The following TSC22D3 variants were observed in gnomAD, a reference collection of about 807,000 sequenced individuals.
TSC22D3 encodes the protein TSC22 domain family protein 3.
TSC22D3 carries 4 observed loss-of-function variants against 11.1 expected under a neutral mutation model. The observed-to-expected ratio is 0.36, with a 90% CI of 0.18 to 0.83. The LOEUF is 0.83. Among genes scored for constraint, TSC22D3 ranks in the 40% least tolerant of loss-of-function variants. The pLI, the probability that TSC22D3 is intolerant of heterozygous loss-of-function variation, is 0.48. For missense variants in TSC22D3, 118 were observed against 159.4 expected, an observed-to-expected ratio of 0.74 and a Z score of 1.40; for synonymous variants, 77 against 70.3, an observed-to-expected ratio of 1.10 and a Z score of -0.48.
chrX:107,730,369 G>A, intron 1 of TSC22D3, among the ~76,000 whole-genome samples: 1 of 112,145 alleles, frequency 8.9e-6, no homozygotes. Context: ...CTGCACTAGT[G>A]TTCCTTCCCA....
intron 1 of TSC22D3, among the ~76,000 whole-genome samples, chrX:107,717,639 T>G (rs2147718461): frequency 8.9e-6 from 1 of 112,832 alleles, no homozygotes; most frequent in African/African-American, 3.2e-5. Context: ...GGAGTACTTG[T>G]CTGTGGACCG....
intron 1 of TSC22D3, among the ~76,000 whole-genome samples, chrX:107,759,282 C>CA (rs1417122125): frequency 9.0e-6 from 1 of 111,132 alleles, no homozygotes; most frequent in Non-Finnish European, 1.9e-5. Flanking sequence ...CTTATGTGAA[C>CA]TCCCTCTCCC....
At chrX:107,754,011 G>C (rs1929057455) in intron 1 of TSC22D3, among the ~76,000 whole-genome samples, 1 of 109,629 alleles carries the variant, frequency 9.1e-6, no homozygotes, top group African/African-American at 3.3e-5. Flanking sequence ...CGCCTCCCAG[G>C]TTCAAGTGAT....
At chrX:107,738,515 C>T (rs1342552436) in intron 1 of TSC22D3, among the ~76,000 whole-genome samples, 4 of 112,882 alleles carry the variant, frequency 3.5e-5, no homozygotes, top group Non-Finnish European at 7.5e-5. Context: ...CTGCCGCTCC[C>T]TCTCCTCTCT....
chrX:107,734,880 A>AC (rs1928058674), intron 1 of TSC22D3, among the ~76,000 whole-genome samples: 1 of 44,792 alleles, frequency 2.2e-5, no homozygotes, highest in African/African-American at 6.1e-5. Context: ...ACTCTACGTA[A>AC]AAAAAAAAAA....
rs781484751 is a variant in TSC22D3, at chrX:107,732,236, A to C, written c.321-16286T>G. On this transcript the variant is annotated intron_variant, in intron 1 of 2. Coordinates refer to ENST00000372383, the MANE Select transcript of TSC22D3 (RefSeq NM_198057.3). Reference sequence around the variant, plus strand: ...CCTCCCCTCCCTCTGCCAAGGCTACATGGAAGCCCTCCCCCAAACTCCCTC... The same window carrying C: ...CCTCCCCTCCCTCTGCCAAGGCTACCTGGAAGCCCTCCCCCAAACTCCCTC... Among the ~76,000 whole-genome samples, 5 of 104,571 alleles carry C rather than the reference A, an allele frequency of 4.8e-5. No individual in the cohort carries two copies. In the South Asian group the frequency reaches 2.2e-3, roughly 46 times the overall value. 90.8% of individuals were successfully genotyped at this position (104,571 alleles called of 115,157 possible).
chrX:107,737,334 C>T (rs1454248997), intron 1 of TSC22D3, among the ~76,000 whole-genome samples: 1 of 112,195 alleles, frequency 8.9e-6, no homozygotes, highest in Non-Finnish European at 1.9e-5. Context: ...ACTCAAAACT[C>T]CAGTAGAGAT....
chrX:107,762,864 T>TTTTTTTTC, intron 1 of TSC22D3, among the ~76,000 whole-genome samples: 1 of 94,425 alleles, frequency 1.1e-5, no homozygotes, highest in Non-Finnish European at 2.1e-5. Context: ...TTTTTTTTTT[T>TTTTTTTTC]TTTTTTTCTG....
At chrX:107,761,729 G>GA (rs1356813268) in intron 1 of TSC22D3, among the ~76,000 whole-genome samples, 1 of 111,883 alleles carries the variant, frequency 8.9e-6, no homozygotes, top group African/African-American at 3.3e-5. Context: ...AAGCCTGCCT[G>GA]ATCTTGGCAG....
At chrX:107,715,766 G>T in intron 2 of TSC22D3, 133 bp downstream of exon 2, 1 of 753,111 alleles carries the variant, frequency 1.3e-6, no homozygotes, top group South Asian at 2.1e-5. Flanking sequence ...CCTCCAGTGC[G>T]GATAGGAGGC....
At chrX:107,736,944 G>C (rs138101085) in intron 1 of TSC22D3, among the ~76,000 whole-genome samples, 1,836 of 112,213 alleles carry the variant, frequency 0.016, 35 homozygotes, top group African/African-American at 0.056. Flanking sequence ...ATGGCCTAGA[G>C]AGTGGCGTCA....
At chrX:107,736,696 T>A (rs1207669869) in intron 1 of TSC22D3, among the ~76,000 whole-genome samples, 1 of 110,925 alleles carries the variant, frequency 9.0e-6, no homozygotes, top group African/African-American at 3.3e-5. Flanking sequence ...GCTCGATTTT[T>A]ATGGCCGTTC....
chrX:107,733,092 C>T (rs1438377475), intron 1 of TSC22D3, among the ~76,000 whole-genome samples: 2 of 94,069 alleles, frequency 2.1e-5, no homozygotes, highest in African/African-American at 9.7e-5. Flanking sequence ...AGAGTGAGAC[C>T]CTGTCTCAAA....
intron 1 of TSC22D3, among the ~76,000 whole-genome samples, chrX:107,751,266 C>G (rs749514458): frequency 8.9e-6 from 1 of 111,816 alleles, no homozygotes; most frequent in African/African-American, 3.3e-5. Context: ...TGCAAAGGAG[C>G]AATGGGACCA....
In TSC22D3 at chrX:107,714,545, C is replaced by G. The variant is rs761552042; in HGVS notation, c.577G>C (p.Glu193Gln). 5.8e-6 allele frequency: 7 copies of G among 1,209,786 alleles called. No homozygotes were observed. In the East Asian group the frequency reaches 2.1e-4, roughly 36 times the overall value. The part of the protein sequence containing the change: ...EPAPESPQVP[E>Q]APGGSAV ...TACACCGCAGAACCACCAGGGGCCT[C>G]GGGCACTTGTGGGGATTCGGGAGCT... Residue 193 changes from glutamate to glutamine, a missense_variant, in exon 3 of 3, where the codon GAG becomes CAG. Coordinates refer to ENST00000372383, the MANE Select transcript of TSC22D3 (RefSeq NM_198057.3).
chrX:107,716,457 G>A (rs1927037053), intron 1 of TSC22D3: 1 of 991,879 alleles, frequency 1.0e-6, no homozygotes, highest in African/African-American at 2.0e-5. Context: ...TGCCTCTGCG[G>A]CTGCAGCAGC....
intron 1 of TSC22D3, 89 bp downstream of exon 1, chrX:107,775,011 T>G: frequency 9.5e-7 from 1 of 1,055,455 alleles, no homozygotes; most frequent in Admixed American, 2.3e-5. Flanking sequence ...CTCCTGAACT[T>G]CCTAGTTGCC....
intron 1 of TSC22D3, among the ~76,000 whole-genome samples, chrX:107,717,390 C>G (rs1408877633): frequency 8.9e-6 from 1 of 112,776 alleles, no homozygotes; most frequent in African/African-American, 3.2e-5. Context: ...AGCCAGCATG[C>G]CCCCATGGCT....
intron 1 of TSC22D3, among the ~76,000 whole-genome samples, chrX:107,730,193 A>G (rs1927820053): frequency 8.9e-6 from 1 of 112,399 alleles, no homozygotes; most frequent in Non-Finnish European, 1.9e-5. Flanking sequence ...ACTGAGGCTC[A>G]GAGAGGTTAA....
Sources: gnomAD v4.1 joint callset for allele counts (sites outside exome capture counted in the v4.1 genomes callset) on GRCh38, gnomAD v4.1.1 for gene constraint, MANE v1.5 for transcripts, NCBI Gene and HGNC (gene_info 2026-07-23, HGNC 2026-07-21) for gene names.